Variants in TEAD1 observed in about 807,000 individuals in gnomAD.
TEAD1 encodes transcriptional enhancer factor TEF-1.
Under a neutral mutation model 54.9 loss-of-function variants are expected in TEAD1, and 9 were observed. The observed-to-expected ratio is 0.16, with a 90% CI of 0.10 to 0.29. The LOEUF is 0.29. TEAD1 is among the 10% of genes least tolerant of loss of function. The probability of loss-of-function intolerance (pLI) is 1.00; values close to 1 mark genes in which losing one functional copy is unlikely to be tolerated. For missense variants in TEAD1, 387 were observed against 535.9 expected (o/e 0.72, Z 2.74); for synonymous variants, 200 against 187.8 (o/e 1.07, Z -0.53).
At position 12,877,982 on chromosome 11, in the gene TEAD1, G is replaced by C. The variant is rs182501889; in HGVS notation, c.331-1726G>C. ...CTGGCTAATTTTTTTTTTTGTGTGT[G>C]TGTGTGTGGAGACAGGGTCTCTCTA... On this transcript the variant is annotated intron_variant, in intron 5 of 12. Coordinates refer to ENST00000527636, the MANE Select transcript of TEAD1 (RefSeq NM_021961.6). Among the ~76,000 whole-genome samples the C allele has an allele frequency of 3.7e-3, 563 of 151,744 alleles. 2 individuals carry two copies. The highest frequency in any genetic ancestry group is 0.014 in the Middle Eastern group (4 of 294).
chr11:12,697,996 C>T (rs1943622250), intron 2 of TEAD1, among the ~76,000 whole-genome samples: 1 of 149,730 alleles, frequency 6.7e-6, no homozygotes, highest in Non-Finnish European at 1.5e-5. Flanking sequence ...GCACTCCAGC[C>T]TGGGCAACAG....
chr11:12,842,194 G>C (rs1947055681), intron 3 of TEAD1, among the ~76,000 whole-genome samples: 1 of 152,092 alleles, frequency 6.6e-6, no homozygotes, highest in Non-Finnish European at 1.5e-5. Context: ...CGTTCTCAGG[G>C]GGCTCTTAGC....
At chr11:12,891,162 C>A (rs1303430883) in intron 9 of TEAD1, among the ~76,000 whole-genome samples, 1 of 152,190 alleles carries the variant, frequency 6.6e-6, no homozygotes, top group Non-Finnish European at 1.5e-5. Context: ...GGAGATGTCC[C>A]TTCCTTCTCA....
At chr11:12,752,672 A>G (rs1366268479) in intron 2 of TEAD1, among the ~76,000 whole-genome samples, 2 of 152,048 alleles carry the variant, frequency 1.3e-5, no homozygotes, top group Non-Finnish European at 2.9e-5. Flanking sequence ...TCTGTGCTGT[A>G]TGACACAGTA....
chr11:12,865,200 A>ATT (rs113921279), intron 5 of TEAD1: 25 of 356,048 alleles, frequency 7.0e-5, no homozygotes, highest in South Asian at 2.6e-4. Context: ...CAGAAACATG[A>ATT]TTTTTTTTTT....
intron 10 of TEAD1, among the ~76,000 whole-genome samples, chr11:12,907,461 A>G (rs1338284630): frequency 6.6e-6 from 1 of 151,830 alleles, no homozygotes; most frequent in East Asian, 1.9e-4. Flanking sequence ...GTTTTATTAT[A>G]TTTTCCTTTT....
At chr11:12,805,954 G>A (rs140799523) in intron 3 of TEAD1, among the ~76,000 whole-genome samples, 30 of 152,136 alleles carry the variant, frequency 2.0e-4, no homozygotes, top group African/African-American at 6.5e-4. Flanking sequence ...CTGGTTTATC[G>A]GTGTTGGGGG....
At chr11:12,780,574 C>A (rs1217261361) in intron 3 of TEAD1, among the ~76,000 whole-genome samples, 1 of 152,084 alleles carries the variant, frequency 6.6e-6, no homozygotes, top group Non-Finnish European at 1.5e-5. Flanking sequence ...TAACAGCAAA[C>A]AACCTGAAAA....
chr11:12,713,403 T>G (rs1943984566), intron 2 of TEAD1, among the ~76,000 whole-genome samples: 2 of 152,214 alleles, frequency 1.3e-5, no homozygotes. Flanking sequence ...ATGCTGCATG[T>G]TTATAATTAT....
At chr11:12,699,308 T>A (rs1005529081) in intron 2 of TEAD1, among the ~76,000 whole-genome samples, 1 of 151,898 alleles carries the variant, frequency 6.6e-6, no homozygotes, top group South Asian at 2.1e-4. Flanking sequence ...CTTTTAAAGA[T>A]TTTTTTTTCC....
intron 5 of TEAD1, among the ~76,000 whole-genome samples, chr11:12,879,196 A>C (rs1439154323): frequency 6.6e-6 from 1 of 152,124 alleles, no homozygotes; most frequent in African/African-American, 2.4e-5. Context: ...CAGGGCTTCC[A>C]GGCCTTGCAT....
chr11:12,805,848 G>A (rs950751034), intron 3 of TEAD1, among the ~76,000 whole-genome samples: 3 of 152,178 alleles, frequency 2.0e-5, no homozygotes, highest in Admixed American at 6.5e-5. Context: ...AGCTCCGTTT[G>A]TTGCTTCTCT....
At chr11:12,910,729 A>G (rs553783297) in intron 10 of TEAD1, among the ~76,000 whole-genome samples, 2 of 148,446 alleles carry the variant, frequency 1.3e-5, no homozygotes, top group African/African-American at 5.0e-5. Flanking sequence ...AATACTGTCT[A>G]CATAGTTACT....
intron 5 of TEAD1, chr11:12,878,869 T>C: frequency 1.6e-6 from 2 of 1,275,124 alleles, no homozygotes; most frequent in Non-Finnish European, 1.0e-6. Flanking sequence ...TTTTAACAAA[T>C]TGTTTATTAT....
intron 3 of TEAD1, among the ~76,000 whole-genome samples, chr11:12,804,778 T>A (rs926864352): frequency 5.3e-5 from 8 of 152,176 alleles, no homozygotes; most frequent in Non-Finnish European, 1.2e-4. Context: ...TGTGTTGGGA[T>A]GCAAAGGTGG....
At chr11:12,802,046 A>G (rs1266043000) in intron 3 of TEAD1, among the ~76,000 whole-genome samples, 1 of 152,238 alleles carries the variant, frequency 6.6e-6, no homozygotes, top group Non-Finnish European at 1.5e-5. Flanking sequence ...TGAGGTGGTT[A>G]TGCCAAGCCC....
At position 12,679,466 on chromosome 11, in the gene TEAD1, G is replaced by T. The variant is rs185523888; in HGVS notation, c.-55+3905G>T. ...CTGGTTGCTTTTAGGCATCTGACAG[G>T]TTTAGATGTATGTGTAAAGTGACTG... On this transcript the variant is annotated intron_variant, in intron 2 of 12. Coordinates refer to ENST00000527636, the MANE Select transcript of TEAD1 (RefSeq NM_021961.6). Among the ~76,000 whole-genome samples, 3 of 152,266 alleles carry T rather than the reference G, an allele frequency of 2.0e-5. No individual in the cohort carries two copies. The East Asian group carries it at 5.8e-4, about 29-fold the overall frequency.
rs557812426 is a variant in TEAD1, at chr11:12,874,812, G to T, written c.331-4896G>T. ...TTTCTGCATTGCAGGTCATGGGCTTGGGTTGGGGTTCAGTTGGAAAAGGGA... is the reference window on the plus strand; with the variant it reads ...TTTCTGCATTGCAGGTCATGGGCTTTGGTTGGGGTTCAGTTGGAAAAGGGA... On this transcript the variant is annotated intron_variant, in intron 5 of 12. Transcript: ENST00000527636. Among the ~76,000 whole-genome samples, 5 of 152,182 alleles carry T rather than the reference G, an allele frequency of 3.3e-5. No homozygotes were observed. In the South Asian group the frequency reaches 1.0e-3, roughly 32 times the overall value.
intron 5 of TEAD1, among the ~76,000 whole-genome samples, chr11:12,869,844 C>T (rs1947702055): frequency 6.6e-6 from 1 of 152,056 alleles, no homozygotes; most frequent in Non-Finnish European, 1.5e-5. Context: ...GCTCTCTCTT[C>T]TCATTTTGCT....
Sources: gnomAD v4.1 joint callset for allele counts (sites outside exome capture counted in the v4.1 genomes callset) on GRCh38, gnomAD v4.1.1 for gene constraint, MANE v1.5 for transcripts, NCBI Gene and HGNC (gene_info 2026-07-23, HGNC 2026-07-21) for gene names.